The following PLA2G4E variants were observed in gnomAD, a reference collection of about 807,000 sequenced individuals.
PLA2G4E encodes the protein phospholipase A2 group IVE.
In PLA2G4E, 84 loss-of-function variants were observed where a neutral mutation model predicts 109.1. The ratio of observed to expected loss-of-function variants is 0.77; its 90% CI spans 0.65 to 0.92. The LOEUF (loss-of-function observed/expected upper bound fraction) is 0.92, where lower values mean the gene tolerates loss of function less well. Among genes scored for constraint, PLA2G4E ranks in the 40% least tolerant of loss-of-function variants. The probability of loss-of-function intolerance (pLI) is 0.00; values close to 1 mark genes in which losing one functional copy is unlikely to be tolerated. For missense variants in PLA2G4E, 1,057 were observed against 1,076.6 expected, an observed-to-expected ratio of 0.98 and a Z score of 0.25; for synonymous variants, 469 against 436.1, an observed-to-expected ratio of 1.08 and a Z score of -0.94.
At chr15:42,040,946 T>C (rs1566852070) in intron 1 of PLA2G4E, among the ~76,000 whole-genome samples, 1 of 152,232 alleles carries the variant, frequency 6.6e-6, no homozygotes, top group Non-Finnish European at 1.5e-5. Flanking sequence ...AGATTATTGC[T>C]AATAATTTAA....
chr15:41,988,902 G>A (rs572817776), intron 15 of PLA2G4E, among the ~76,000 whole-genome samples: 55 of 152,350 alleles, frequency 3.6e-4, no homozygotes, highest in African/African-American at 1.3e-3. Context: ...ATAAGGGCGT[G>A]TTGGGGCTGT....
chr15:42,022,195 C>A (rs996974735), intron 1 of PLA2G4E, among the ~76,000 whole-genome samples: 1 of 152,138 alleles, frequency 6.6e-6, no homozygotes, highest in South Asian at 2.1e-4. Context: ...TGCATCCAAC[C>A]CCTCAGAGGC....
chr15:41,989,549 C>T lies in PLA2G4E; in HGVS notation c.1589G>A (p.Trp530Ter), dbSNP rs866438809. Reference sequence around the variant, plus strand: ...CACCTCGTAGGGGGAGAACTCGAACCACTCTGCACATGAAGCAGCAGGACG... The same window carrying T: ...CACCTCGTAGGGGGAGAACTCGAACTACTCTGCACATGAAGCAGCAGGACG... The change falls in exon 15 of 20, where the codon TGG (tryptophan) becomes TAG (stop). Residue 530 changes from tryptophan to a stop codon, truncating the protein, a stop_gained. Transcript: ENST00000399518. LOFTEE classifies it high-confidence loss of function. 1.2e-5 allele frequency: 19 copies of T among 1,613,190 alleles called. No homozygotes were observed. The highest frequency in any genetic ancestry group is 1.5e-5 in the Non-Finnish European group (18 of 1,179,432).
intron 16 of PLA2G4E, 101 bp from the exon 17 acceptor site, chr15:41,987,476 C>T: frequency 8.9e-7 from 1 of 1,119,690 alleles, no homozygotes. Context: ...GGGGTGAGCA[C>T]TGTAAAAGCA....
At chr15:42,001,658 G>A (rs1400465058) in intron 6 of PLA2G4E, among the ~76,000 whole-genome samples, 1 of 152,176 alleles carries the variant, frequency 6.6e-6, no homozygotes, top group Non-Finnish European at 1.5e-5. Flanking sequence ...GGCACTGGAT[G>A]CATTTAATTA....
chr15:42,002,823 A>C, intron 5 of PLA2G4E, 127 bp from the exon 6 acceptor site: 1 of 934,974 alleles, frequency 1.1e-6, no homozygotes, highest in Admixed American at 2.2e-5. Flanking sequence ...CATAAAAAAT[A>C]CTAGCTTCGG....
At chr15:42,005,701 T>G (rs979571528) in intron 4 of PLA2G4E, among the ~76,000 whole-genome samples, 1 of 152,248 alleles carries the variant, frequency 6.6e-6, no homozygotes, top group Non-Finnish European at 1.5e-5. Context: ...TTGTGTTCTG[T>G]GAACACTGCT....
At chr15:41,996,692 C>T (rs116374970) in intron 11 of PLA2G4E, among the ~76,000 whole-genome samples, 389 of 152,304 alleles carry the variant, frequency 2.6e-3, no homozygotes, top group African/African-American at 8.7e-3. Flanking sequence ...AGCTTCCTAG[C>T]GCTGTTATTT....
chr15:42,046,843 T>C (rs1889425155), intron 1 of PLA2G4E, among the ~76,000 whole-genome samples: 2 of 152,230 alleles, frequency 1.3e-5, no homozygotes, highest in East Asian at 1.9e-4. Context: ...GGGCAGGAGA[T>C]GGTAACTCCT....
At chr15:42,044,331 T>G in intron 1 of PLA2G4E, among the ~76,000 whole-genome samples, 1 of 152,030 alleles carries the variant, frequency 6.6e-6, no homozygotes, top group Non-Finnish European at 1.5e-5. Flanking sequence ...ACATGCGGGC[T>G]GTGGGGAGAG....
chr15:42,032,526 A>T (rs1032212837), intron 1 of PLA2G4E, among the ~76,000 whole-genome samples: 29 of 152,232 alleles, frequency 1.9e-4, no homozygotes, highest in African/African-American at 6.5e-4. Flanking sequence ...CTTTAGGTCA[A>T]TGTCCATTTG....
Position 42,001,156 on chromosome 15 carries a change from C to G in PLA2G4E, c.673+1G>C. On this transcript the variant is annotated splice_donor_variant, in intron 7 of 19. Coordinates refer to ENST00000399518, the Ensembl canonical transcript of PLA2G4E. LOFTEE classifies it high-confidence loss of function. Reference sequence around the variant, plus strand: ...TAGGCAGAAAAGGCAAAACAGCTCACTTTTCTCCCTCTTCCTCCGCCTCCT... The same window carrying G: ...TAGGCAGAAAAGGCAAAACAGCTCAGTTTTCTCCCTCTTCCTCCGCCTCCT... 1 of 1,613,074 alleles carries G rather than the reference C, an allele frequency of 6.2e-7. No individual in the cohort carries two copies. Among genetic ancestry groups the G allele is most frequent in the Non-Finnish European group, 8.5e-7 (1 of 1,179,150 alleles).
At chr15:42,039,754 A>T (rs551978583) in intron 1 of PLA2G4E, among the ~76,000 whole-genome samples, 1 of 152,268 alleles carries the variant, frequency 6.6e-6, no homozygotes, top group East Asian at 1.9e-4. Flanking sequence ...AAATTCACAG[A>T]CACTATGTAG....
intron 10 of PLA2G4E, 113 bp from the exon 11 acceptor site, chr15:41,997,372 T>A (rs2068359737): frequency 8.0e-7 from 1 of 1,242,820 alleles, no homozygotes. Flanking sequence ...CAGCGACCAC[T>A]TCTGTGACCT....
chr15:42,006,248 C>G (rs1263791851), intron 3 of PLA2G4E, 127 bp from the exon 4 acceptor site: 2 of 1,212,672 alleles, frequency 1.6e-6, no homozygotes, highest in East Asian at 4.9e-5. Flanking sequence ...CCAGAAGTCC[C>G]TGCTCAGATG....
rs544125734 is a variant in PLA2G4E at position 42,014,144 on chromosome 15, G to A, written c.184-387C>T. On this transcript the variant is annotated intron_variant, in intron 1 of 19. Transcript: ENST00000399518. ...TTATGTCAGGTGATCCACCCACCTC[G>A]GCCTCCCAAAGTGCTGGGATTACAG... Among the ~76,000 whole-genome samples the A allele has an allele frequency of 5.9e-5, 9 of 152,006 alleles. No individual in the cohort carries two copies. The East Asian group carries it at 7.8e-4, about 13-fold the overall frequency.
At chr15:41,987,233 G>A (rs911155257) in exon 17 of PLA2G4E, 1 of 1,613,902 alleles carries the variant, frequency 6.2e-7, no homozygotes, top group African/African-American at 1.3e-5. Context: ...GCCCAGACAG[G>A]AAGTTGTGAA....
intron 4 of PLA2G4E, 36 bp downstream of exon 4, chr15:42,005,954 G>A: frequency 6.2e-7 from 1 of 1,607,472 alleles, no homozygotes; most frequent in Non-Finnish European, 8.5e-7. Context: ...AGGTTATCAT[G>A]AAGCCGGAGT....
At chr15:42,028,334 C>T (rs1271021436) in intron 1 of PLA2G4E, among the ~76,000 whole-genome samples, 1 of 152,126 alleles carries the variant, frequency 6.6e-6, no homozygotes, top group Non-Finnish European at 1.5e-5. Context: ...AAGCTGCTGA[C>T]CTGGAAAACT....
Sources: allele counts gnomAD v4.1 joint callset (sites outside exome capture counted in the v4.1 genomes callset), GRCh38; gene constraint gnomAD v4.1.1; transcripts MANE v1.5; gene names NCBI Gene and HGNC (gene_info 2026-07-23, HGNC 2026-07-21).